GPC6: variants seen among roughly 807,000 people sequenced by gnomAD.
The protein encoded by GPC6 is glypican 6, also known as glypican-6.
In GPC6, 14 loss-of-function variants were observed where a neutral mutation model predicts 55.2. The ratio of observed to expected loss-of-function variants is 0.25; its 90% CI spans 0.17 to 0.40. The LOEUF is 0.40. Among genes scored for constraint, GPC6 ranks in the 10% least tolerant of loss-of-function variants. The pLI is 1.00. For missense variants in GPC6, 641 were observed against 708.5 expected, an observed-to-expected ratio of 0.90 and a Z score of 1.08; for synonymous variants, 278 against 259.6, an observed-to-expected ratio of 1.07 and a Z score of -0.68.
At chr13:93,968,668 A>G (rs534691201) in intron 3 of GPC6, among the ~76,000 whole-genome samples, 15 of 152,194 alleles carry the variant, frequency 9.9e-5, no homozygotes, top group Non-Finnish European at 1.9e-4. Context: ...ATTTCAAATT[A>G]AAAACCTTTA....
intron 1 of GPC6, among the ~76,000 whole-genome samples, chr13:93,345,264 T>C (rs1490936598): frequency 6.6e-6 from 1 of 151,952 alleles, no homozygotes; most frequent in Non-Finnish European, 1.5e-5. Flanking sequence ...ACCACCAAAT[T>C]GAAAGACAAA....
chr13:94,158,904 C>T (rs914258347), intron 4 of GPC6, among the ~76,000 whole-genome samples: 12 of 151,940 alleles, frequency 7.9e-5, no homozygotes, highest in Non-Finnish European at 1.6e-4. Context: ...CTTTAAGATG[C>T]GTCTTATCTT....
chr13:93,764,873 C>T (rs1594437509), intron 2 of GPC6, among the ~76,000 whole-genome samples: 1 of 152,182 alleles, frequency 6.6e-6, no homozygotes, highest in East Asian at 1.9e-4. Flanking sequence ...GATCTCAGCT[C>T]ACTACAAGCT....
intron 2 of GPC6, among the ~76,000 whole-genome samples, chr13:93,556,400 A>ATGTATATG (rs1276906713): frequency 3.7e-4 from 42 of 114,058 alleles, no homozygotes; most frequent in South Asian, 7.9e-4. Context: ...GTGTGTATGT[A>ATGTATATG]TGTATATGTA....
At chr13:93,384,982 T>G (rs1294614392) in intron 1 of GPC6, among the ~76,000 whole-genome samples, 1 of 152,078 alleles carries the variant, frequency 6.6e-6, no homozygotes, top group Non-Finnish European at 1.5e-5. Context: ...TCAGGGAGAT[T>G]CTCTTCTACT....
chr13:93,665,893 C>T (rs1162596429), intron 2 of GPC6, among the ~76,000 whole-genome samples: 4 of 151,964 alleles, frequency 2.6e-5, no homozygotes, highest in East Asian at 1.9e-4. Flanking sequence ...ACGATGTGGC[C>T]GAAGATCAAT....
chr13:93,393,800 G>GAA (rs1875742666), intron 1 of GPC6, among the ~76,000 whole-genome samples: 1 of 151,866 alleles, frequency 6.6e-6, no homozygotes, highest in Non-Finnish European at 1.5e-5. Context: ...TCCTGCCACT[G>GAA]GAAACACTTT....
chr13:93,299,427 G>A (rs1398312211), intron 1 of GPC6, among the ~76,000 whole-genome samples: 2 of 152,202 alleles, frequency 1.3e-5, no homozygotes, highest in African/African-American at 4.8e-5. Flanking sequence ...GGAAGGAACA[G>A]TGATCGCTAA....
intron 4 of GPC6, among the ~76,000 whole-genome samples, chr13:94,235,093 C>T (rs1484522494): frequency 6.6e-6 from 1 of 152,044 alleles, no homozygotes; most frequent in Admixed American, 6.6e-5. Context: ...AGTAAATTTA[C>T]GTTGGATATT....
chr13:93,540,900 T>A (rs1882267775), intron 1 of GPC6, among the ~76,000 whole-genome samples: 1 of 152,094 alleles, frequency 6.6e-6, no homozygotes, highest in African/African-American at 2.4e-5. Flanking sequence ...TTCCAAGAGA[T>A]CCTTTTTTTA....
At chr13:94,098,320 A>AT (rs894546714) in intron 4 of GPC6, among the ~76,000 whole-genome samples, 1 of 152,176 alleles carries the variant, frequency 6.6e-6, no homozygotes, top group Non-Finnish European at 1.5e-5. Context: ...ATTAATGGAT[A>AT]TTTGACCCAT....
chr13:94,030,771 T>C (rs1883092900), intron 4 of GPC6, among the ~76,000 whole-genome samples: 1 of 152,126 alleles, frequency 6.6e-6, no homozygotes, highest in South Asian at 2.1e-4. Flanking sequence ...TCTTTAATTA[T>C]AATGTGCCTA....
intron 6 of GPC6, among the ~76,000 whole-genome samples, chr13:94,361,349 G>T (rs1175905017): frequency 6.6e-6 from 1 of 152,156 alleles, no homozygotes; most frequent in African/African-American, 2.4e-5. Flanking sequence ...TAGTTGCCAC[G>T]TTCAAATTCC....
intron 2 of GPC6, among the ~76,000 whole-genome samples, chr13:93,793,109 G>A (rs1019707821): frequency 6.6e-6 from 1 of 152,158 alleles, no homozygotes; most frequent in African/African-American, 2.4e-5. Flanking sequence ...CATTTTCTAG[G>A]TCACGTTCTG....
intron 4 of GPC6, among the ~76,000 whole-genome samples, chr13:94,056,661 C>T (rs1220794804): frequency 6.6e-6 from 1 of 152,078 alleles, no homozygotes; most frequent in South Asian, 2.1e-4. Flanking sequence ...CTTATAATTA[C>T]CCTCATGAGT....
At chr13:93,690,429 G>GA (rs540517890) in intron 2 of GPC6, among the ~76,000 whole-genome samples, 84 of 151,796 alleles carry the variant, frequency 5.5e-4, no homozygotes, top group Non-Finnish European at 9.0e-4. Context: ...AGCGAAATGG[G>GA]AAAAAATATA....
chr13:93,553,244 C>CTT (rs151318261), intron 2 of GPC6, among the ~76,000 whole-genome samples: 7 of 151,232 alleles, frequency 4.6e-5, no homozygotes, highest in African/African-American at 1.5e-4. Context: ...GTAAGAGTTC[C>CTT]TTTTTTTTTC....
chr13:93,754,149 C>T (rs1884690966), intron 2 of GPC6, among the ~76,000 whole-genome samples: 1 of 152,142 alleles, frequency 6.6e-6, no homozygotes, highest in African/African-American at 2.4e-5. Context: ...TTCAAACTTT[C>T]TCCTCTTCCC....
At chr13:93,520,274 T>C (rs1881364696) in intron 1 of GPC6, among the ~76,000 whole-genome samples, 1 of 151,960 alleles carries the variant, frequency 6.6e-6, no homozygotes, top group Non-Finnish European at 1.5e-5. Context: ...AGATGGTCCA[T>C]CTTCCTTGAT....
Sources: gnomAD v4.1 joint callset for allele counts (sites outside exome capture counted in the v4.1 genomes callset) on GRCh38, gnomAD v4.1.1 for gene constraint, MANE v1.5 for transcripts, NCBI Gene and HGNC (gene_info 2026-07-23, HGNC 2026-07-21) for gene names.